The following CDH4 variants were observed in gnomAD, a reference collection of about 807,000 sequenced individuals.
CDH4 encodes the protein cadherin 4.
CDH4 carries 33 observed loss-of-function variants against 86.0 expected under a neutral mutation model. That is an observed-to-expected ratio of 0.38 (90% CI 0.29 to 0.51). The LOEUF (loss-of-function observed/expected upper bound fraction) is 0.51, where lower values mean the gene tolerates loss of function less well. CDH4 is among the 20% of genes least tolerant of loss of function. CDH4 has a pLI of 0.86. For synonymous variants in CDH4, 555 were observed against 549.4 expected (o/e 1.01, Z -0.14); for missense variants, 1,114 against 1,307.4 (o/e 0.85, Z 2.28).
At chr20:61,821,929 C>T (rs940125462) in intron 4 of CDH4, among the ~76,000 whole-genome samples, 4 of 152,270 alleles carry the variant, frequency 2.6e-5, no homozygotes, top group Non-Finnish European at 5.9e-5. Context: ...TCTGCCCCGC[C>T]TCCTTGTGTG....
chr20:61,647,934 G>A (rs2087082599), intron 2 of CDH4, among the ~76,000 whole-genome samples: 1 of 152,206 alleles, frequency 6.6e-6, no homozygotes, highest in African/African-American at 2.4e-5. Context: ...GCACACCCCT[G>A]CAGGGGCTGC....
intron 2 of CDH4, among the ~76,000 whole-genome samples, chr20:61,687,912 G>C (rs533157202): frequency 3.1e-4 from 47 of 152,286 alleles, no homozygotes; most frequent in African/African-American, 1.1e-3. Context: ...TTAGTATTCA[G>C]GTCCTTTCTC....
At position 61,663,739 on chromosome 20, in the gene CDH4, A is replaced by G. The variant is rs547832714; in HGVS notation, c.170-79824A>G. ...ACGTGCAGAACCAGGCAGGGCTGAC[A>G]GACGCGGGGTCGGGGGAAGATCAGG... On this transcript the variant is annotated intron_variant, in intron 2 of 15. Transcript: ENST00000614565. This position sits in a 1 kb window ranked among gnomAD's most constrained non-coding sequence, Gnocchi z 5.0. Among the ~76,000 whole-genome samples, 120 of 152,262 alleles carry G rather than the reference A, an allele frequency of 7.9e-4. No individual in the cohort carries two copies. The highest frequency in any genetic ancestry group is 2.7e-3 in the African/African-American group (113 of 41,548).
intron 2 of CDH4, among the ~76,000 whole-genome samples, chr20:61,497,258 G>T (rs533728421): frequency 1.5e-4 from 23 of 152,112 alleles, no homozygotes; most frequent in African/African-American, 5.1e-4. Flanking sequence ...ACTTGTATTT[G>T]TGTTTTTGTT....
chr20:61,428,364 G>A (rs1892313), intron 2 of CDH4, among the ~76,000 whole-genome samples: 67,981 of 151,974 alleles, frequency 0.45, 15,956 homozygotes, highest in African/African-American at 0.59. Context: ...TCCCTAACAG[G>A]GATACAGAGA....
intron 2 of CDH4, among the ~76,000 whole-genome samples, chr20:61,466,118 A>G (rs2085470323): frequency 6.6e-6 from 1 of 152,138 alleles, no homozygotes; most frequent in African/African-American, 2.4e-5. Flanking sequence ...ATTTCCATTT[A>G]TTTCTCACTG....
At chr20:61,650,731 G>A (rs888913173) in intron 2 of CDH4, among the ~76,000 whole-genome samples, 1 of 152,240 alleles carries the variant, frequency 6.6e-6, no homozygotes, top group African/African-American at 2.4e-5. Context: ...ATACTTAAAG[G>A]TAACAATAAT....
rs997814495 is a variant in CDH4 at position 61,923,959 on chromosome 20, C to T, written c.1628+255C>T. ...AGCACTGTCTAGACACAGGCCGGCC[C>T]GATCCTGGCCACACTCTCATAGCTA... On this transcript the variant is annotated intron_variant, in intron 10 of 15. Transcript: ENST00000614565. 2.6e-5 allele frequency among the ~76,000 whole-genome samples: 4 copies of T among 152,340 alleles called. No individual in the cohort carries two copies. The South Asian group carries it at 6.2e-4, about 24-fold the overall frequency.
rs904934375 is a variant in CDH4, at chr20:61,393,844, C to T, written c.169+138907C>T. The stretch of plus-strand genomic sequence containing the variant: ...GCCACCTTCACCACCAAGACAGTTG[C>T]ACCATGGGCTTCTCCTCTTCTGTAA... On this transcript the variant is annotated intron_variant, in intron 2 of 15. Coordinates refer to ENST00000614565, the MANE Select transcript of CDH4 (RefSeq NM_001794.5). The surrounding 1 kb of genome is among the most constrained non-coding windows in gnomAD (Gnocchi z 4.3). 3.9e-5 allele frequency among the ~76,000 whole-genome samples: 6 copies of T among 152,014 alleles called. No homozygotes were observed. Among genetic ancestry groups the T allele is most frequent in the Non-Finnish European group, 8.8e-5 (6 of 68,010 alleles).
chr20:61,931,228 G>C (rs910331646), intron 13 of CDH4, among the ~76,000 whole-genome samples: 3 of 152,218 alleles, frequency 2.0e-5, no homozygotes, highest in Non-Finnish European at 2.9e-5. Flanking sequence ...TGTGGCTTCC[G>C]TCGAGCCAAG....
intron 6 of CDH4, among the ~76,000 whole-genome samples, chr20:61,854,835 C>T (rs1381983490): frequency 6.7e-6 from 1 of 149,170 alleles, no homozygotes; most frequent in East Asian, 2.1e-4. Context: ...TGGTCCACCC[C>T]CAGGGCTGCA....
chr20:61,372,593 G>A (rs2084846785), intron 2 of CDH4, among the ~76,000 whole-genome samples: 1 of 152,214 alleles, frequency 6.6e-6, no homozygotes, highest in African/African-American at 2.4e-5. Flanking sequence ...TCACCCCAAA[G>A]CTGTGGTGGA....
At chr20:61,468,307 T>C (rs1230045149) in intron 2 of CDH4, among the ~76,000 whole-genome samples, 3 of 152,222 alleles carry the variant, frequency 2.0e-5, no homozygotes, top group Middle Eastern at 3.2e-3. Context: ...GACTTAGAAA[T>C]GGCCTCTCCC....
In CDH4 at chr20:61,456,969, AT is replaced by A. The variant is rs1306451656; in HGVS notation, c.169+202034del. ...ATGGAAACTCGCTGCACAAAGAAGA[AT>A]TGGTGTTTTAATTTGTCAGAAAATT... On this transcript the variant is annotated intron_variant, in intron 2 of 15. Coordinates refer to ENST00000614565, the MANE Select transcript of CDH4 (RefSeq NM_001794.5). 2.0e-5 allele frequency among the ~76,000 whole-genome samples: 3 copies of A among 152,302 alleles called. No individual in the cohort carries two copies. In the East Asian group the frequency reaches 5.8e-4, roughly 29 times the overall value.
intron 2 of CDH4, chr20:61,740,501 C>T (rs1355544413): frequency 1.3e-5 from 2 of 152,190 alleles, no homozygotes; most frequent in Non-Finnish European, 2.9e-5. Context: ...AAAGAGGCCA[C>T]AGCCTGGTGG....
At chr20:61,504,196 G>T (rs1026080058) in intron 2 of CDH4, among the ~76,000 whole-genome samples, 2 of 152,222 alleles carry the variant, frequency 1.3e-5, no homozygotes, top group Non-Finnish European at 2.9e-5. Flanking sequence ...TTCCAACGGG[G>T]CTGGCTCCGT....
chr20:61,773,106 G>C lies in CDH4; in HGVS notation c.500G>C (p.Arg167Pro). 6.2e-7 allele frequency: 1 copy of C among 1,611,854 alleles called. No homozygotes were observed. ...QHQNANGLRR[R>P]KRDWVIPPIN... is the part of the protein sequence containing the mutation. ...CAGAACGCCAACGGGCTGAGGCGGC[G>C]CAAACGGGACTGGGTCATCCCGCCC... The change falls in exon 4 of 16, where the codon CGC (arginine) becomes CCC (proline). Residue 167 changes from arginine to proline, a missense_variant. This residue lies in a region of CDH4 where 705 missense variants were observed against 914.1 expected (regional missense o/e 0.77). Coordinates refer to ENST00000614565, the MANE Select transcript of CDH4 (RefSeq NM_001794.5).
intron 2 of CDH4, among the ~76,000 whole-genome samples, chr20:61,267,496 G>A (rs2084163426): frequency 6.6e-6 from 1 of 152,174 alleles, no homozygotes. Flanking sequence ...CACCAGAAAG[G>A]CAAATGAGGC....
intron 2 of CDH4, among the ~76,000 whole-genome samples, chr20:61,527,157 G>A (rs2085916927): frequency 6.6e-6 from 1 of 152,242 alleles, no homozygotes; most frequent in East Asian, 1.9e-4. Flanking sequence ...ACTTTGACAA[G>A]AGAATCACAA....
Sources: allele counts gnomAD v4.1 joint callset (sites outside exome capture counted in the v4.1 genomes callset), GRCh38; gene constraint gnomAD v4.1.1; regional missense constraint gnomAD v4.1.1; non-coding constraint Gnocchi (gnomAD v3.1); transcripts MANE v1.5; gene names NCBI Gene and HGNC (gene_info 2026-07-23, HGNC 2026-07-21).